Variants in KCNK10 observed in about 807,000 individuals in gnomAD.
KCNK10 encodes potassium channel subfamily K member 10.
KCNK10 carries 25 observed loss-of-function variants against 47.7 expected under a neutral mutation model. That is an observed-to-expected ratio of 0.52 (90% CI 0.38 to 0.73). The LOEUF (loss-of-function observed/expected upper bound fraction) is 0.73, where lower values mean the gene tolerates loss of function less well. Ranked by LOEUF, KCNK10 falls within the 30% of genes least tolerant of loss-of-function variation. The probability of loss-of-function intolerance (pLI) is 0.00; values close to 1 mark genes in which losing one functional copy is unlikely to be tolerated. For synonymous variants in KCNK10, 303 were observed against 285.6 expected, an observed-to-expected ratio of 1.06 and a Z score of -0.61; for missense variants, 563 against 714.5, an observed-to-expected ratio of 0.79 and a Z score of 2.42.
intron 3 of KCNK10, among the ~76,000 whole-genome samples, chr14:88,237,908 C>T (rs1053879659): frequency 2.6e-5 from 4 of 152,168 alleles, no homozygotes; most frequent in African/African-American, 4.8e-5. Flanking sequence ...AAGAGTCAGC[C>T]TATCATTTGA....
intron 1 of KCNK10, among the ~76,000 whole-genome samples, chr14:88,311,186 G>T (rs894729153): frequency 1.3e-5 from 2 of 152,120 alleles, no homozygotes; most frequent in African/African-American, 4.8e-5. Flanking sequence ...CCCAGGTAAG[G>T]CCAGCACTAT....
At chr14:88,323,932 C>T (rs976040237), upstream of KCNK10, among the ~76,000 whole-genome samples, 1 of 152,222 alleles carries the variant, frequency 6.6e-6, no homozygotes, top group African/African-American at 2.4e-5. Context: ...CCCGTGCCAG[C>T]CATGAGCCTT....
At chr14:88,229,593 C>T (rs887324523) in intron 3 of KCNK10, among the ~76,000 whole-genome samples, 1 of 152,078 alleles carries the variant, frequency 6.6e-6, no homozygotes, top group African/African-American at 2.4e-5. Context: ...TGATGCAATA[C>T]TCAAACAAGC....
chr14:88,259,072 C>A (rs191127793), intron 2 of KCNK10, among the ~76,000 whole-genome samples: 1 of 152,328 alleles, frequency 6.6e-6, no homozygotes, highest in African/African-American at 2.4e-5. Flanking sequence ...ATCTTTCCAA[C>A]TTAAAACACA....
At chr14:88,230,505 C>T (rs6574999) in intron 3 of KCNK10, among the ~76,000 whole-genome samples, 45,270 of 152,150 alleles carry the variant, frequency 0.3, 7,508 homozygotes, top group East Asian at 0.47. Context: ...AAGGCTTCCA[C>T]TTGCTGTTTA....
intron 2 of KCNK10, among the ~76,000 whole-genome samples, chr14:88,247,061 C>T (rs1397573034): frequency 2.6e-5 from 4 of 152,206 alleles, no homozygotes; most frequent in Non-Finnish European, 4.4e-5. Flanking sequence ...GTACAGTACA[C>T]ATCTGGTGCG....
At chr14:88,246,464 T>A (rs936541409) in intron 2 of KCNK10, among the ~76,000 whole-genome samples, 1 of 152,226 alleles carries the variant, frequency 6.6e-6, no homozygotes, top group African/African-American at 2.4e-5. Flanking sequence ...AGCCTCGGGT[T>A]TGAAGTGGAA....
At chr14:88,326,752 T>G, upstream of KCNK10, 1 of 395,312 alleles carries the variant, frequency 2.5e-6, no homozygotes, top group South Asian at 3.4e-5. Context: ...CCCACCACTT[T>G]AATGAATGCC....
chr14:88,237,384 A>C (rs1331759761), intron 3 of KCNK10, among the ~76,000 whole-genome samples: 2 of 152,208 alleles, frequency 1.3e-5, no homozygotes, highest in African/African-American at 4.8e-5. Context: ...AACTCTTGTT[A>C]ATGTTGGTAT....
Position 88,263,540 on chromosome 14 carries a change from C to T in KCNK10, c.64G>A (p.Ala22Thr), listed in dbSNP as rs975831463. The change falls in exon 2 of 7, where the codon GCA becomes ACA. Residue 22 changes from alanine to threonine, a missense_variant. Transcript: ENST00000319231. The part of the protein sequence containing the change: ...VNWDPKVAVP[A>T]AAPVCQPKSA... ...TTGGGCTGGCACACCGGTGCTGCTGCGGGAACGGCCACTGAGGAGTCAGGG... is the reference window on the plus strand; with the variant it reads ...TTGGGCTGGCACACCGGTGCTGCTGTGGGAACGGCCACTGAGGAGTCAGGG... 28 of 1,610,394 alleles carry T rather than the reference C, an allele frequency of 1.7e-5. No homozygotes were observed. Among genetic ancestry groups the T allele is most frequent in the South Asian group, 8.8e-5 (8 of 91,004 alleles).
In KCNK10 at chr14:88,255,133, C is replaced by G. The variant is rs1281120209; in HGVS notation, c.402+8069G>C. Among the ~76,000 whole-genome samples the G allele has an allele frequency of 2.6e-5, 4 of 152,196 alleles. No homozygotes were observed. In the East Asian group the frequency reaches 7.7e-4, roughly 29 times the overall value. On this transcript the variant is annotated intron_variant, in intron 2 of 6. Coordinates refer to ENST00000319231, the MANE Select transcript of KCNK10 (RefSeq NM_138317.3). ...TGGAGTGCTATAGCACCATGCCAGACAGCCCAGTTTCTTGAATCATGTTTC... is the reference window on the plus strand; with the variant it reads ...TGGAGTGCTATAGCACCATGCCAGAGAGCCCAGTTTCTTGAATCATGTTTC...
intron 1 of KCNK10, among the ~76,000 whole-genome samples, chr14:88,297,425 AG>A (rs529174580): frequency 2.4e-4 from 36 of 152,368 alleles, no homozygotes; most frequent in African/African-American, 8.7e-4. Context: ...TTTTAAGTGC[AG>A]CATCCAGGAC....
intron 2 of KCNK10, among the ~76,000 whole-genome samples, chr14:88,248,146 T>G (rs1415043984): frequency 3.9e-5 from 6 of 152,208 alleles, no homozygotes; most frequent in Non-Finnish European, 1.5e-5. Context: ...TTGCTCTCTC[T>G]GCACTTGAGA....
intron 1 of KCNK10, among the ~76,000 whole-genome samples, chr14:88,300,607 C>G (rs761672443): frequency 1.3e-5 from 2 of 152,188 alleles, no homozygotes; most frequent in African/African-American, 4.8e-5. Flanking sequence ...CTGCTCACTA[C>G]GTAATTCAAG....
chr14:88,311,971 C>T (rs1010830570), intron 1 of KCNK10, among the ~76,000 whole-genome samples: 1 of 152,124 alleles, frequency 6.6e-6, no homozygotes, highest in African/African-American at 2.4e-5. Flanking sequence ...TTACAGATGC[C>T]ATCAGTGCTG....
intron 4 of KCNK10, among the ~76,000 whole-genome samples, chr14:88,224,655 G>C (rs1885926155): frequency 6.6e-6 from 1 of 152,194 alleles, no homozygotes; most frequent in Non-Finnish European, 1.5e-5. Flanking sequence ...TGTCACCCAG[G>C]TTGGAGTGCA....
At chr14:88,278,464 T>C (rs1887576051) in intron 1 of KCNK10, among the ~76,000 whole-genome samples, 1 of 152,082 alleles carries the variant, frequency 6.6e-6, no homozygotes, top group Non-Finnish European at 1.5e-5. Context: ...CTAAGACAAA[T>C]TGGATATTGA....
intron 2 of KCNK10, among the ~76,000 whole-genome samples, chr14:88,255,918 G>A (rs1886942235): frequency 6.6e-6 from 1 of 152,150 alleles, no homozygotes; most frequent in South Asian, 2.1e-4. Flanking sequence ...AGTTAAATGA[G>A]CTAGAGGATT....
Position 88,260,693 on chromosome 14 carries a change from C to T in KCNK10, c.402+2509G>A, listed in dbSNP as rs746139037. ...TGTAAAATGGGAATCGTGATATGAA[C>T]TTAGAGTGTTGTTGATAAGATTAAA... On this transcript the variant is annotated intron_variant, in intron 2 of 6. Transcript: ENST00000319231. This position sits in a 1 kb window ranked among gnomAD's most constrained non-coding sequence, Gnocchi z 4.5. Among the ~76,000 whole-genome samples, 37 of 152,188 alleles carry T rather than the reference C, an allele frequency of 2.4e-4. No homozygotes were observed. The highest frequency in any genetic ancestry group is 2.6e-4 in the Non-Finnish European group (18 of 68,038).
Sources: allele counts gnomAD v4.1 joint callset (sites outside exome capture counted in the v4.1 genomes callset), GRCh38; gene constraint gnomAD v4.1.1; non-coding constraint Gnocchi (gnomAD v3.1); transcripts MANE v1.5; gene names NCBI Gene and HGNC (gene_info 2026-07-23, HGNC 2026-07-21).